Variants in ATP8B3 observed in about 807,000 individuals in gnomAD.
The protein encoded by ATP8B3 is ATPase phospholipid transporting 8B3.
In ATP8B3, 141 loss-of-function variants were observed where a neutral mutation model predicts 140.9. That is an observed-to-expected ratio of 1.00 (90% confidence interval 0.87 to 1.15). ATP8B3 has a LOEUF of 1.15. ATP8B3 is among the 50% of genes most tolerant of loss of function. ATP8B3 has a pLI of 0.00. For synonymous variants in ATP8B3, 765 were observed against 714.6 expected, an observed-to-expected ratio of 1.07 and a Z score of -1.13; for missense variants, 1,874 against 1,740.6, an observed-to-expected ratio of 1.08 and a Z score of -1.36.
In ATP8B3 at chr19:1,806,220, C is replaced by A; in HGVS notation, c.678-51G>T. On this transcript the variant is annotated intron_variant, in intron 7 of 28. Coordinates refer to ENST00000310127, the MANE Select transcript of ATP8B3 (RefSeq NM_138813.4). The surrounding 1 kb of genome is among the most constrained non-coding windows in gnomAD (Gnocchi z 5.6). ...AGGCCCCTCCCTCTGCCAACCCTCC[C>A]CACACCGGGAGACCAGAGGCACGGG... 3 of 1,550,316 alleles carry A rather than the reference C, an allele frequency of 1.9e-6. No homozygotes were observed. Among genetic ancestry groups the A allele is most frequent in the Non-Finnish European group, 2.6e-6 (3 of 1,149,018 alleles).
At chr19:1,793,728 GTTTATTTATTTATT>G (rs1568632508) in intron 18 of ATP8B3, among the ~76,000 whole-genome samples, 1 of 152,104 alleles carries the variant, frequency 6.6e-6, no homozygotes, top group South Asian at 2.1e-4. Context: ...TCTCAAATTT[GTTTATTTATTTATT>G]TTTATTTATT....
chr19:1,811,719 A>C lies in ATP8B3; in HGVS notation c.18T>G (p.Ala6=). The change falls in exon 2 of 29, where the codon GCT becomes GCG. Residue 6 remains alanine (A), a synonymous_variant. Coordinates refer to ENST00000310127, the MANE Select transcript of ATP8B3 (RefSeq NM_138813.4). MGTGP[A]QTPRSTRAGP... is the part of the protein sequence containing the mutation. The stretch of plus-strand genomic sequence containing the variant: ...CAGCTCTGGTGCTCCTGGGAGTCTG[A>C]GCGGGGCCAGTGCCCATTCACCGCA... 1 of 1,598,100 alleles carries C rather than the reference A, an allele frequency of 6.3e-7. No individual in the cohort carries two copies. The highest frequency in any genetic ancestry group is 8.5e-7 in the Non-Finnish European group (1 of 1,176,700).
At chr19:1,801,912 A>C (rs2068855045) in intron 12 of ATP8B3, 44 bp downstream of exon 12, 1 of 1,447,488 alleles carries the variant, frequency 6.9e-7, no homozygotes, top group Non-Finnish European at 9.7e-7. Context: ...CTGACCCTGC[A>C]CTCCTCTGTG....
chr19:1,811,510 T>A lies in ATP8B3; in HGVS notation c.227A>T (p.Lys76Met). The A allele has an allele frequency of 6.2e-7, 1 of 1,611,944 alleles. No individual in the cohort carries two copies. The highest frequency in any genetic ancestry group is 2.2e-5 in the East Asian group (1 of 44,846). ...RHKAQPGRAR[K>M]YEWRPEGPTS... ...TCACCCTTCTGGTCTCCATTCATAC[T>A]TCCTAGCCCGGCCAGGCTGGGCCTT... Residue 76 changes from lysine (K) to methionine (M), a missense_variant, in exon 2 of 29, where the codon AAG becomes ATG. Coordinates refer to ENST00000310127, the MANE Select transcript of ATP8B3 (RefSeq NM_138813.4).
intron 28 of ATP8B3, 47 bp downstream of exon 28, chr19:1,784,772 G>A: frequency 6.5e-7 from 1 of 1,546,534 alleles, no homozygotes; most frequent in Non-Finnish European, 8.7e-7. Flanking sequence ...CCCAACCAGG[G>A]TCCTGGAATG....
intron 14 of ATP8B3, among the ~76,000 whole-genome samples, chr19:1,797,869 A>G: frequency 6.6e-6 from 1 of 151,994 alleles, no homozygotes. Flanking sequence ...CAGTGGTGCG[A>G]TCATAGCTCA....
At position 1,800,225 on chromosome 19, in the gene ATP8B3, G is replaced by T; in HGVS notation, c.1343+34C>A. 3 of 1,605,172 alleles carry T rather than the reference G, an allele frequency of 1.9e-6. No homozygotes were observed. Among genetic ancestry groups the T allele is most frequent in the South Asian group, 1.1e-5 (1 of 90,652 alleles). On this transcript the variant is annotated intron_variant, in intron 13 of 28. Transcript: ENST00000310127. The surrounding 1 kb of genome is among the most constrained non-coding windows in gnomAD (Gnocchi z 4.4). ...CCATCCCCATGCCTCCCCGTTCCGC[G>T]TTTGCACCGGGGACGCAGCCGGCGG...
intron 28 of ATP8B3, among the ~76,000 whole-genome samples, chr19:1,783,505 C>T (rs549495227): frequency 1.3e-5 from 2 of 152,234 alleles, no homozygotes; most frequent in South Asian, 4.1e-4. Context: ...TGGAAACTAA[C>T]CCTGGATCAG....
chr19:1,782,898 G>C lies in ATP8B3; in HGVS notation c.*130C>G, dbSNP rs1600377210. On this transcript the variant is annotated 3_prime_UTR_variant, in exon 29 of 29. Coordinates refer to ENST00000310127, the MANE Select transcript of ATP8B3 (RefSeq NM_138813.4). ...TTGGGGAGGGCAGGTTGGTTTTCTG[G>C]ATGAAGAGCGGATTGTCTATCCATA... The C allele has an allele frequency of 7.7e-7, 1 of 1,290,674 alleles. No individual in the cohort carries two copies. The highest frequency in any genetic ancestry group is 2.5e-5 in the East Asian group (1 of 39,480). The allele number at this position is 1,290,674 out of a possible 1,614,324, so 80.0% of individuals were successfully genotyped here.
intron 20 of ATP8B3, 36 bp from the exon 21 acceptor site, chr19:1,790,868 GC>G: frequency 7.7e-7 from 1 of 1,292,122 alleles, no homozygotes; most frequent in Non-Finnish European, 1.0e-6. Context: ...TCTGCGACCC[GC>G]CCCGCACTGG....
Position 1,802,003 on chromosome 19 carries a change from A to AATGGAT in ATP8B3, c.1099_1104dup (p.Ile367_His368dup). The stretch of plus-strand genomic sequence containing the variant: ...AGGAGGTCCAGCTTGGTTCTCTTCA[A>AATGGAT]ATGGATCTTGCCACAGTTCTTCATA... On this transcript the variant is annotated inframe_insertion, in exon 12 of 29. Transcript: ENST00000310127. 6.2e-7 allele frequency: 1 copy of AATGGAT among 1,612,478 alleles called. No individual in the cohort carries two copies. The highest frequency in any genetic ancestry group is 8.5e-7 in the Non-Finnish European group (1 of 1,179,678).
intron 24 of ATP8B3, among the ~76,000 whole-genome samples, chr19:1,787,677 C>T (rs1469969808): frequency 2.8e-5 from 4 of 144,420 alleles, no homozygotes; most frequent in African/African-American, 7.8e-5. Flanking sequence ...TGCAGTGAGC[C>T]GAGATCACAC....
Position 1,811,783 on chromosome 19 carries a change from C to T in ATP8B3, c.-47G>A, listed in dbSNP as rs2145214984. On this transcript the variant is annotated 5_prime_UTR_variant, in exon 2 of 29. Coordinates refer to ENST00000310127, the MANE Select transcript of ATP8B3 (RefSeq NM_138813.4). Reference sequence around the variant, plus strand: ...GGTTCAGGGCGAAGAGGGGTTTAGGCTGTGGGACGGGGGAGAGGTGGGGGA... The same window carrying T: ...GGTTCAGGGCGAAGAGGGGTTTAGGTTGTGGGACGGGGGAGAGGTGGGGGA... The T allele has an allele frequency of 6.5e-7, 1 of 1,529,574 alleles. No homozygotes were observed. Among genetic ancestry groups the T allele is most frequent in the Non-Finnish European group, 8.7e-7 (1 of 1,143,700 alleles). 94.8% of individuals were successfully genotyped at this position (1,529,574 alleles called of 1,614,324 possible).
At position 1,806,412 on chromosome 19, in the gene ATP8B3, C is replaced by T. The variant is rs985777224; in HGVS notation, c.677+216G>A. On this transcript the variant is annotated intron_variant, in intron 7 of 28. Coordinates refer to ENST00000310127, the MANE Select transcript of ATP8B3 (RefSeq NM_138813.4). The surrounding 1 kb of genome is among the most constrained non-coding windows in gnomAD (Gnocchi z 5.6). ...GACTTTCCTTGTCCTCCCCATCGCC[C>T]GAGCCCTAAGCTCTGCAAGGGTTCG... 1.4e-4 allele frequency: 198 copies of T among 1,444,590 alleles called. No individual in the cohort carries two copies. The highest frequency in any genetic ancestry group is 2.5e-4 in the Middle Eastern group (1 of 3,922). 89.5% of individuals were successfully genotyped at this position (1,444,590 alleles called of 1,614,324 possible).
Position 1,789,902 on chromosome 19 carries a change from G to A in ATP8B3, c.2466C>T (p.Asn822=), listed in dbSNP as rs1349949012. 6.2e-7 allele frequency: 1 copy of A among 1,611,772 alleles called. No individual in the cohort carries two copies. The highest frequency in any genetic ancestry group is 1.1e-5 in the South Asian group (1 of 91,072). The change falls in exon 22 of 29, where the codon AAC becomes AAT. Residue 822 remains asparagine, a synonymous_variant. Coordinates refer to ENST00000310127, the MANE Select transcript of ATP8B3 (RefSeq NM_138813.4). Reference sequence around the variant, plus strand: ...GAGCGACACTGACCAGGAAGTCTCCGTTAATGACCAAGGCCAGCTTGACCT... The same window carrying A: ...GAGCGACACTGACCAGGAAGTCTCCATTAATGACCAAGGCCAGCTTGACCT... ...LSQVKLALVI[N]GDFLDKLLVS... is the part of the protein sequence containing the mutation.
intron 23 of ATP8B3, 70 bp downstream of exon 23, chr19:1,789,291 T>C: frequency 9.4e-7 from 1 of 1,059,962 alleles, no homozygotes; most frequent in Non-Finnish European, 1.3e-6. Context: ...GTCCCCCCAG[T>C]CCCACCACCG....
At position 1,800,127 on chromosome 19, in the gene ATP8B3, C is replaced by A; in HGVS notation, c.1372G>T (p.Val458Phe). 6.4e-7 allele frequency: 1 copy of A among 1,559,996 alleles called. No individual in the cohort carries two copies. The highest frequency in any genetic ancestry group is 1.4e-5 in the African/African-American group (1 of 73,732). Residue 458 changes from valine (V) to phenylalanine (F), a missense_variant, in exon 14 of 29, where the codon GTC becomes TTC. By Grantham distance (50) the Val-to-Phe change is conservative. Coordinates refer to ENST00000310127, the MANE Select transcript of ATP8B3 (RefSeq NM_138813.4). The surrounding 1 kb of genome is among the most constrained non-coding windows in gnomAD (Gnocchi z 4.4). Reference protein sequence around the residue: ...LSEFIYLGNSVFIDWDVQMYY... With the variant: ...LSEFIYLGNSFFIDWDVQMYY... The stretch of plus-strand genomic sequence containing the variant: ...ATCTGCACGTCCCAGTCGATGAAGA[C>A]GCTGTTCCCCAGGTAGATGAACTCG...
At chr19:1,798,290 T>C (rs1385750780) in intron 14 of ATP8B3, among the ~76,000 whole-genome samples, 1 of 151,968 alleles carries the variant, frequency 6.6e-6, no homozygotes, top group Non-Finnish European at 1.5e-5. Context: ...TACACTAAAT[T>C]ATGACCCAGT....
intron 28 of ATP8B3, among the ~76,000 whole-genome samples, chr19:1,784,463 C>T (rs936387224): frequency 7.2e-5 from 11 of 152,058 alleles, no homozygotes; most frequent in Admixed American, 3.3e-4. Flanking sequence ...TGCAGTGAGC[C>T]GAGATTGTGC....
Sources: gnomAD v4.1 joint callset for allele counts (sites outside exome capture counted in the v4.1 genomes callset) on GRCh38, gnomAD v4.1.1 for gene constraint, Gnocchi (gnomAD v3.1) non-coding constraint, MANE v1.5 for transcripts, NCBI Gene and HGNC (gene_info 2026-07-23, HGNC 2026-07-21) for gene names.